The following DLC1 variants were observed in gnomAD, a reference collection of about 807,000 sequenced individuals.
The protein encoded by DLC1 is DLC1 Rho GTPase activating protein, also known as rho GTPase-activating protein 7.
A neutral mutation model predicts 140.3 loss-of-function variants in DLC1; 54 were observed. The ratio of observed to expected loss-of-function variants is 0.38; its 90% CI spans 0.31 to 0.48. DLC1 has a LOEUF of 0.48. Ranked by LOEUF, DLC1 falls within the 20% of genes least tolerant of loss-of-function variation. DLC1 has a pLI of 0.96. For synonymous variants in DLC1, 986 were observed against 728.1 expected (o/e 1.35, Z -5.70); for missense variants, 2,536 against 1,907.0 (o/e 1.33, Z -6.14).
At chr8:13,285,635 A>G (rs1831513023) in intron 5 of DLC1, among the ~76,000 whole-genome samples, 1 of 152,182 alleles carries the variant, frequency 6.6e-6, no homozygotes, top group Admixed American at 6.5e-5. Context: ...CTAAAATTAA[A>G]AAGACTGACC....
chr8:13,095,131 G>T lies in DLC1; in HGVS notation c.3282C>A (p.Ser1094Arg), dbSNP rs756851944. 1 of 1,614,276 alleles carries T rather than the reference G, an allele frequency of 6.2e-7. No individual in the cohort carries two copies. Among genetic ancestry groups the T allele is most frequent in the Admixed American group, 1.7e-5 (1 of 60,032 alleles). Residue 1094 changes from serine to arginine, a missense_variant, in exon 11 of 18, where the codon AGC (serine) becomes AGA (arginine). Coordinates refer to ENST00000276297, the MANE Select transcript of DLC1 (RefSeq NM_182643.3). ...VQRTGQPLPQ[S>R]IQQAMRYLRN... ...GGAGGTATCGCATGGCCTGCTGGAT[G>T]CTCTGAGGCAACGGTTGTCCTGTGC...
chr8:13,092,069 AC>A (rs923908020), intron 13 of DLC1, among the ~76,000 whole-genome samples: 21 of 151,930 alleles, frequency 1.4e-4, no homozygotes, highest in African/African-American at 5.1e-4. Context: ...ACATGGTGAA[AC>A]CCCGTCTCTA....
intron 5 of DLC1, among the ~76,000 whole-genome samples, chr8:13,146,123 A>G (rs1489874103): frequency 6.6e-6 from 1 of 152,078 alleles, no homozygotes; most frequent in Non-Finnish European, 1.5e-5. Flanking sequence ...AAACACAAAA[A>G]AATTAGCCGG....
chr8:13,243,673 G>A (rs1829637578), intron 5 of DLC1, among the ~76,000 whole-genome samples: 1 of 152,130 alleles, frequency 6.6e-6, no homozygotes. Flanking sequence ...ATTGTCATCA[G>A]TATTTGAGTT....
At chr8:13,147,151 T>A (rs1057116144) in intron 5 of DLC1, among the ~76,000 whole-genome samples, 1 of 152,198 alleles carries the variant, frequency 6.6e-6, no homozygotes, top group East Asian at 1.9e-4. Context: ...TAGAACTGAA[T>A]CTATCAGCTG....
At chr8:13,368,692 A>G (rs1835601138) in intron 4 of DLC1, among the ~76,000 whole-genome samples, 1 of 152,166 alleles carries the variant, frequency 6.6e-6, no homozygotes, top group Non-Finnish European at 1.5e-5. Flanking sequence ...CTGAGTTGTT[A>G]GGTGAAAGAG....
intron 4 of DLC1, among the ~76,000 whole-genome samples, chr8:13,349,758 A>G (rs1433605215): frequency 2.0e-5 from 3 of 152,218 alleles, no homozygotes; most frequent in Admixed American, 6.5e-5. Context: ...TAAGTGATCA[A>G]TCCAAGTGAA....
chr8:13,134,986 G>A (rs755908739), intron 5 of DLC1, among the ~76,000 whole-genome samples: 3 of 152,070 alleles, frequency 2.0e-5, no homozygotes, highest in Admixed American at 6.6e-5. Context: ...ATGAAAAAGC[G>A]GTGCTGTGAG....
At chr8:13,393,502 T>C (rs758505301) in intron 4 of DLC1, 51 bp downstream of exon 4, 4 of 1,562,092 alleles carry the variant, frequency 2.6e-6, no homozygotes, top group African/African-American at 1.4e-5. Context: ...TCTTACCTGA[T>C]GATCATCAAC....
chr8:13,415,811 A>C (rs1838029843), intron 2 of DLC1, among the ~76,000 whole-genome samples: 1 of 152,168 alleles, frequency 6.6e-6, no homozygotes, highest in African/African-American at 2.4e-5. Flanking sequence ...ACATATACAC[A>C]AACTGATAAA....
intron 5 of DLC1, among the ~76,000 whole-genome samples, chr8:13,179,256 G>T (rs907128205): frequency 6.6e-6 from 1 of 151,346 alleles, no homozygotes. Context: ...GGAGGTAGTG[G>T]TAGTGACTGG....
At chr8:13,148,661 T>TTCG (rs1823600931) in intron 5 of DLC1, among the ~76,000 whole-genome samples, 3 of 152,028 alleles carry the variant, frequency 2.0e-5, no homozygotes, top group Admixed American at 2.0e-4. Flanking sequence ...GAGGGTTGTT[T>TTCG]TTGTTGTTGT....
intron 5 of DLC1, among the ~76,000 whole-genome samples, chr8:13,199,188 T>C (rs866284844): frequency 2.7e-3 from 380 of 141,048 alleles, no homozygotes; most frequent in African/African-American, 5.6e-3. Context: ...TTTTTTTTTT[T>C]TTTTTTTTTT....
intron 4 of DLC1, among the ~76,000 whole-genome samples, chr8:13,368,754 G>A (rs1835602828): frequency 6.6e-6 from 1 of 152,142 alleles, no homozygotes; most frequent in African/African-American, 2.4e-5. Context: ...GAATAAACAA[G>A]TTTCTTCCAA....
In DLC1 at chr8:13,095,176, T is replaced by C. The variant is rs1183223516; in HGVS notation, c.3237A>G (p.Pro1079=). 1 of 1,614,246 alleles carries C rather than the reference T, an allele frequency of 6.2e-7. No homozygotes were observed. Among genetic ancestry groups the C allele is most frequent in the East Asian group, 2.2e-5 (1 of 44,882 alleles). ...DYKDRSVFGV[P]LTVNVQRTGQ... ...CTGTGCGCTGCACGTTGACCGTCAG[T>C]GGGACCCCAAACACACTCCGGTCCT... is the stretch of plus-strand genomic sequence containing the variant. The change falls in exon 11 of 18, where the codon CCA becomes CCG. Residue 1079 remains proline (P), a synonymous_variant. Coordinates refer to ENST00000276297, the MANE Select transcript of DLC1 (RefSeq NM_182643.3).
intron 5 of DLC1, among the ~76,000 whole-genome samples, chr8:13,123,507 A>T (rs1299798455): frequency 7.1e-6 from 1 of 139,980 alleles, no homozygotes. Context: ...CAATGAGCTA[A>T]TTTTTTTTTT....
chr8:13,173,150 A>T (rs180685580), intron 5 of DLC1, among the ~76,000 whole-genome samples: 18 of 152,070 alleles, frequency 1.2e-4, no homozygotes, highest in Non-Finnish European at 2.5e-4. Context: ...AAGTAGACAA[A>T]CGTTTGAGCC....
In DLC1 at chr8:13,086,364, G is replaced by C. The variant is rs892713377; in HGVS notation, c.4392C>G (p.Leu1464=). The C allele has an allele frequency of 1.2e-6, 2 of 1,614,072 alleles. No homozygotes were observed. Among genetic ancestry groups the C allele is most frequent in the African/African-American group, 1.3e-5 (1 of 74,912 alleles). Residue 1464 remains leucine (L), a synonymous_variant, in exon 17 of 18, where the codon CTC becomes CTG. Transcript: ENST00000276297. The part of the protein sequence containing the change: ...APVVGVRVNV[L]LSRYLIEPCG... ...AGGGTTCAATCAAATACCTGGACAA[G>C]AGCACATTAACCCTCACACCCACCA...
At chr8:13,463,539 G>A (rs1450990615) in intron 2 of DLC1, among the ~76,000 whole-genome samples, 1 of 152,094 alleles carries the variant, frequency 6.6e-6, no homozygotes, top group African/African-American at 2.4e-5. Flanking sequence ...GGCTTTACTT[G>A]TGTTTACCTT....
Sources: gnomAD v4.1 joint callset for allele counts (sites outside exome capture counted in the v4.1 genomes callset) on GRCh38, gnomAD v4.1.1 for gene constraint, MANE v1.5 for transcripts, NCBI Gene and HGNC (gene_info 2026-07-23, HGNC 2026-07-21) for gene names.